ZNF616: variants seen among roughly 807,000 people sequenced by gnomAD.
The protein encoded by ZNF616 is zinc finger protein 616.
In ZNF616, 5 loss-of-function variants were observed where a neutral mutation model predicts 7.6. That is an observed-to-expected ratio of 0.66 (90% confidence interval 0.34 to 1.38). ZNF616 has a LOEUF of 1.38. ZNF616 is among the 40% of genes most tolerant of loss of function. The probability of loss-of-function intolerance (pLI) is 0.04; values close to 1 mark genes in which losing one functional copy is unlikely to be tolerated. For missense variants in ZNF616, 913 were observed against 948.3 expected, an observed-to-expected ratio of 0.96 and a Z score of 0.49; for synonymous variants, 319 against 317.2, an observed-to-expected ratio of 1.01 and a Z score of -0.06.
At position 52,129,097 on chromosome 19, in the gene ZNF616, A is replaced by AC. The variant is rs572655669; in HGVS notation, c.12+1403dup. On this transcript the variant is annotated intron_variant, in intron 2 of 3. Coordinates refer to ENST00000600228, the MANE Select transcript of ZNF616 (RefSeq NM_178523.5). ...AGACCAGCCTGGCCAACATGATGAA[A>AC]CCCCCCACCATCTCCACTAAAAATA... Among the ~76,000 whole-genome samples the AC allele has an allele frequency of 4.0e-4, 60 of 150,638 alleles. 1 individual carries two copies. The highest frequency in any genetic ancestry group is 6.4e-4 in the Non-Finnish European group (43 of 67,632).
intron 2 of ZNF616, among the ~76,000 whole-genome samples, chr19:52,127,454 C>T (rs928166934): frequency 2.0e-5 from 3 of 152,086 alleles, no homozygotes; most frequent in African/African-American, 7.2e-5. Context: ...TACTTGTGAA[C>T]CTATTATGTT....
At chr19:52,131,066 G>T (rs927356414) in intron 1 of ZNF616, among the ~76,000 whole-genome samples, 1 of 151,986 alleles carries the variant, frequency 6.6e-6, no homozygotes, top group Admixed American at 6.6e-5. Context: ...TCAGGAATTC[G>T]AGACCAGCCT....
intron 3 of ZNF616, among the ~76,000 whole-genome samples, chr19:52,118,315 T>C (rs551961089): frequency 6.6e-6 from 1 of 152,314 alleles, no homozygotes; most frequent in East Asian, 1.9e-4. Flanking sequence ...GATTTCTACT[T>C]GAAAAGCATA....
intron 2 of ZNF616, among the ~76,000 whole-genome samples, chr19:52,130,223 C>T (rs940049726): frequency 5.9e-5 from 9 of 152,192 alleles, no homozygotes; most frequent in Non-Finnish European, 1.2e-4. Flanking sequence ...CCACGGGACC[C>T]TCACCCCATC....
At position 52,124,815 on chromosome 19, in the gene ZNF616, G is replaced by C. The variant is rs566900346; in HGVS notation, c.13-766C>G. Among the ~76,000 whole-genome samples the C allele has an allele frequency of 9.9e-5, 15 of 152,234 alleles. No homozygotes were observed. The South Asian group carries it at 3.1e-3, about 32-fold the overall frequency. Reference sequence around the variant, plus strand: ...AAATCCAAGATCAAGGTGCCAGAAGGACTGATGTCTGCTGAGGGATGATCC... The same window carrying C: ...AAATCCAAGATCAAGGTGCCAGAAGCACTGATGTCTGCTGAGGGATGATCC... On this transcript the variant is annotated intron_variant, in intron 2 of 3. Transcript: ENST00000600228.
chr19:52,120,364 T>A (rs571662586), intron 3 of ZNF616, among the ~76,000 whole-genome samples: 1 of 151,900 alleles, frequency 6.6e-6, no homozygotes, highest in Admixed American at 6.6e-5. Flanking sequence ...GACAAAAGAA[T>A]CAACTAAATA....
rs546201467 is a variant in ZNF616, at chr19:52,119,389, A to G, written c.140-2365T>C. ...AGACTCCATATGAAAAAAAAAAAGA[A>G]AAAAGAAAAAAAGGAAGTGATCAAG... is the stretch of plus-strand genomic sequence containing the variant. On this transcript the variant is annotated intron_variant, in intron 3 of 3. Transcript: ENST00000600228. Among the ~76,000 whole-genome samples the G allele has an allele frequency of 2.0e-5, 3 of 152,190 alleles. No homozygotes were observed. The South Asian group carries it at 6.2e-4, about 32-fold the overall frequency.
At chr19:52,138,665 C>G (rs1160937575) in intron 1 of ZNF616, 1 of 152,416 alleles carries the variant, frequency 6.6e-6, no homozygotes, top group African/African-American at 2.4e-5. Context: ...CCAGCCGCCA[C>G]GTATTCCTGC....
At chr19:52,128,630 T>C (rs1047436887) in intron 2 of ZNF616, among the ~76,000 whole-genome samples, 3 of 151,358 alleles carry the variant, frequency 2.0e-5, no homozygotes, top group Non-Finnish European at 4.4e-5. Flanking sequence ...TGGTCCCAGC[T>C]ACTCAAGAGG....
intron 3 of ZNF616, among the ~76,000 whole-genome samples, chr19:52,121,139 C>T (rs1002382276): frequency 6.6e-6 from 1 of 152,222 alleles, no homozygotes; most frequent in African/African-American, 2.4e-5. Flanking sequence ...ACTGCAACCT[C>T]CGCCTCCCAG....
At chr19:52,136,221 T>C (rs61573127) in intron 1 of ZNF616, among the ~76,000 whole-genome samples, 15,574 of 149,816 alleles carry the variant, frequency 0.1, 992 homozygotes, top group South Asian at 0.3. Flanking sequence ...TGGCTCACGC[T>C]TGTAATCCTA....
intron 2 of ZNF616, among the ~76,000 whole-genome samples, chr19:52,125,104 T>G (rs936239760): frequency 3.3e-5 from 5 of 152,146 alleles, no homozygotes; most frequent in African/African-American, 1.2e-4. Flanking sequence ...AGAAAAACAC[T>G]CAGACCACAG....
At chr19:52,128,106 T>A (rs1311636081) in intron 2 of ZNF616, among the ~76,000 whole-genome samples, 1 of 151,330 alleles carries the variant, frequency 6.6e-6, no homozygotes, top group Non-Finnish European at 1.5e-5. Context: ...TTCCTGGATC[T>A]GGCAAGATTT....
rs114303037 is a variant in ZNF616, at chr19:52,115,356, T to C, written c.1808A>G (p.Lys603Arg). The C allele has an allele frequency of 4.7e-4, 763 of 1,614,156 alleles. 1 individual carries two copies. The African/African-American group carries it at 9.3e-3, about 20-fold the overall frequency. ...VGHRRVHTGE[K>R]PYKCHECGKA... ...GCCACATTCATGACATTTGTATGGT[T>C]TCTCTCCAGTATGAACTCTTCGATG... Residue 603 changes from lysine to arginine, a missense_variant, in exon 4 of 4, where the codon AAA (lysine) becomes AGA (arginine). Physicochemically the swap from Lys to Arg is conservative, Grantham distance 26. Coordinates refer to ENST00000600228, the MANE Select transcript of ZNF616 (RefSeq NM_178523.5).
At chr19:52,126,496 T>C (rs553333995) in intron 2 of ZNF616, among the ~76,000 whole-genome samples, 379 of 148,532 alleles carry the variant, frequency 2.6e-3, no homozygotes, top group Non-Finnish European at 3.9e-3. Context: ...GCCTCGGCAA[T>C]AGAGTGTGAC....
chr19:52,128,866 T>TA (rs1374999905), intron 2 of ZNF616, among the ~76,000 whole-genome samples: 1 of 151,736 alleles, frequency 6.6e-6, no homozygotes, highest in African/African-American at 2.4e-5. Flanking sequence ...AAAAAGTCAT[T>TA]AGAGTTTAAC....
In ZNF616 at chr19:52,115,413, T is replaced by G. The variant is rs1351475582; in HGVS notation, c.1751A>C (p.Lys584Thr). 1.2e-6 allele frequency: 2 copies of G among 1,613,946 alleles called. No homozygotes were observed. The highest frequency in any genetic ancestry group is 2.7e-5 in the African/African-American group (2 of 74,854). Reference protein sequence around the residue: ...EKPYKCNECGKVYSQYSHLVG... With the variant: ...EKPYKCNECGTVYSQYSHLVG... ...AAGATGTGAATACTGACTGTAGACC[T>G]TGCCGCATTCATTGCATTTGTAAGG... is the stretch of plus-strand genomic sequence containing the variant. Residue 584 changes from lysine (K) to threonine (T), a missense_variant, in exon 4 of 4, where the codon AAG becomes ACG. Transcript: ENST00000600228.
In ZNF616 at chr19:52,116,113, TCTTTCC is replaced by T; in HGVS notation, c.1045_1050del (p.Gly349_Lys350del). The T allele has an allele frequency of 6.2e-7, 1 of 1,614,236 alleles. No individual in the cohort carries two copies. Among genetic ancestry groups the T allele is most frequent in the Admixed American group, 1.7e-5 (1 of 60,026 alleles). On this transcript the variant is annotated inframe_deletion, in exon 4 of 4. Coordinates refer to ENST00000600228, the MANE Select transcript of ZNF616 (RefSeq NM_178523.5). ...CCACATACATCACATTTATATGGTT[TCTTTCC>T]TGCATGGATTACCTGATGTACAGTG...
At chr19:52,122,680 G>C (rs2122152444) in intron 3 of ZNF616, among the ~76,000 whole-genome samples, 2 of 150,212 alleles carry the variant, frequency 1.3e-5, no homozygotes, top group African/African-American at 4.9e-5. Flanking sequence ...CTGTCACCAG[G>C]CTGGAGTGCA....
Sources: allele counts gnomAD v4.1 joint callset (sites outside exome capture counted in the v4.1 genomes callset), GRCh38; gene constraint gnomAD v4.1.1; transcripts MANE v1.5; gene names NCBI Gene and HGNC (gene_info 2026-07-23, HGNC 2026-07-21).